The following MALRD1 variants were observed in gnomAD, a reference collection of about 807,000 sequenced individuals.
The protein encoded by MALRD1 is MAM and LDL receptor class A domain containing 1.
In MALRD1, 247 loss-of-function variants were observed where a neutral mutation model predicts 242.1. That is an observed-to-expected ratio of 1.02 (90% CI 0.92 to 1.13). The LOEUF (loss-of-function observed/expected upper bound fraction) is 1.13. MALRD1 is among the 50% of genes most tolerant of loss of function. The probability of loss-of-function intolerance (pLI) is 0.00; values close to 1 mark genes in which losing one functional copy is unlikely to be tolerated. For missense variants in MALRD1, 2,989 were observed against 2,533.1 expected, an observed-to-expected ratio of 1.18 and a Z score of -3.86; for synonymous variants, 995 against 866.6, an observed-to-expected ratio of 1.15 and a Z score of -2.60.
In MALRD1 at chr10:19,144,390, C is replaced by T. The variant is rs73591929; in HGVS notation, c.1412-1808C>T. On this transcript the variant is annotated intron_variant, in intron 10 of 39. Coordinates refer to ENST00000454679, the MANE Select transcript of MALRD1 (RefSeq NM_001142308.3). The stretch of plus-strand genomic sequence containing the variant: ...CTATTCTATGACTGTCTAACAAGCA[C>T]GGCTTTCAGATCTAAAGGTTCAGTT... Among the ~76,000 whole-genome samples, 926 of 152,276 alleles carry T rather than the reference C, an allele frequency of 6.1e-3. 11 individuals carry two copies. The highest frequency in any genetic ancestry group is 0.021 in the African/African-American group (889 of 41,558).
chr10:19,336,098 C>T (rs561658813), intron 24 of MALRD1, among the ~76,000 whole-genome samples: 1 of 152,238 alleles, frequency 6.6e-6, no homozygotes, highest in African/African-American at 2.4e-5. Context: ...ATCTGTATAT[C>T]AGTGTAGACT....
chr10:19,461,950 C>T (rs768950000), intron 29 of MALRD1, among the ~76,000 whole-genome samples: 1 of 152,118 alleles, frequency 6.6e-6, no homozygotes, highest in Non-Finnish European at 1.5e-5. Context: ...TTGTTGCAGG[C>T]ATCCTTTAGT....
At position 19,287,666 on chromosome 10, in the gene MALRD1, G is replaced by T. The variant is rs997475417; in HGVS notation, c.3419+4485G>T. Among the ~76,000 whole-genome samples, 3 of 152,126 alleles carry T rather than the reference G, an allele frequency of 2.0e-5. No homozygotes were observed. In the East Asian group the frequency reaches 5.8e-4, roughly 29 times the overall value. ...GATTGATATTTGGTAATGGTGCTGG[G>T]ATATTTGATTTTTCATATAAAATTG... On this transcript the variant is annotated intron_variant, in intron 21 of 39. Coordinates refer to ENST00000454679, the MANE Select transcript of MALRD1 (RefSeq NM_001142308.3).
intron 36 of MALRD1, among the ~76,000 whole-genome samples, chr10:19,627,920 A>T (rs1489724185): frequency 6.6e-6 from 1 of 152,154 alleles, no homozygotes; most frequent in African/African-American, 2.4e-5. Flanking sequence ...TATTTACAGA[A>T]AAAGGAAAAT....
intron 31 of MALRD1, 27 bp from the exon 32 acceptor site, chr10:19,531,167 A>G: frequency 1.3e-6 from 2 of 1,529,782 alleles, no homozygotes; most frequent in Non-Finnish European, 1.8e-6. Context: ...CATTACACTG[A>G]AAAAAATTTT....
intron 12 of MALRD1, among the ~76,000 whole-genome samples, chr10:19,159,345 A>T (rs1834298040): frequency 6.6e-6 from 1 of 151,578 alleles, no homozygotes; most frequent in Non-Finnish European, 1.5e-5. Flanking sequence ...CTTTTCTCCC[A>T]TTTATTTATT....
intron 31 of MALRD1, among the ~76,000 whole-genome samples, chr10:19,515,178 C>A (rs1833571685): frequency 6.6e-6 from 1 of 151,868 alleles, no homozygotes; most frequent in Non-Finnish European, 1.5e-5. Context: ...TCTTTATATA[C>A]TTGGATTTAG....
chr10:19,607,649 A>G (rs1206142803), intron 34 of MALRD1, 128 bp from the exon 35 acceptor site: 4 of 1,254,822 alleles, frequency 3.2e-6, no homozygotes, highest in Non-Finnish European at 4.2e-6. Flanking sequence ...ACTGTGTTCT[A>G]AAATATCAGA....
intron 13 of MALRD1, among the ~76,000 whole-genome samples, chr10:19,172,436 A>G (rs1305862990): frequency 1.3e-5 from 2 of 151,796 alleles, no homozygotes; most frequent in Admixed American, 6.6e-5. Context: ...CAAGCAAAAT[A>G]TAGATGACCT....
At chr10:19,170,347 C>G (rs1322117111) in intron 13 of MALRD1, among the ~76,000 whole-genome samples, 1 of 152,100 alleles carries the variant, frequency 6.6e-6, no homozygotes, top group African/African-American at 2.4e-5. Context: ...GGCACTTTTT[C>G]TGAGTAGTCC....
chr10:19,323,974 T>C lies in MALRD1; in HGVS notation c.3445T>C (p.Tyr1149His). 6.4e-7 allele frequency: 1 copy of C among 1,550,846 alleles called. No individual in the cohort carries two copies. Among genetic ancestry groups the C allele is most frequent in the Non-Finnish European group, 8.7e-7 (1 of 1,146,932 alleles). Reference protein sequence around the residue: ...TQNTTDGWYLYADSSNGKFGD... With the variant: ...TQNTTDGWYLHADSSNGKFGD... ...AAATACCACTGATGGCTGGTACCTGTATGCTGACAGTTCTAATGGGAAATT... is the reference window on the plus strand; with the variant it reads ...AAATACCACTGATGGCTGGTACCTGCATGCTGACAGTTCTAATGGGAAATT... Residue 1149 changes from tyrosine to histidine, a missense_variant, in exon 22 of 40, where the codon TAT (tyrosine) becomes CAT (histidine). Tyr to His is a moderately conservative substitution (Grantham distance 83). Transcript: ENST00000454679.
intron 14 of MALRD1, among the ~76,000 whole-genome samples, chr10:19,200,992 C>T (rs1836514190): frequency 1.3e-5 from 2 of 151,992 alleles, no homozygotes; most frequent in South Asian, 4.2e-4. Flanking sequence ...ATACACTAAA[C>T]CCAGAGTAAA....
At chr10:19,066,248 AT>A (rs1303707840) in intron 1 of MALRD1, among the ~76,000 whole-genome samples, 2 of 152,116 alleles carry the variant, frequency 1.3e-5, no homozygotes, top group Non-Finnish European at 2.9e-5. Context: ...TTTCTCAAAT[AT>A]TTTTTATCTG....
chr10:19,589,332 C>T (rs1006401040), intron 33 of MALRD1, among the ~76,000 whole-genome samples: 2 of 152,172 alleles, frequency 1.3e-5, no homozygotes, highest in Non-Finnish European at 2.9e-5. Context: ...ACTCCACACC[C>T]TTGTTCCTTA....
chr10:19,523,980 T>C (rs1429448976), intron 31 of MALRD1, among the ~76,000 whole-genome samples: 4 of 152,214 alleles, frequency 2.6e-5, no homozygotes, highest in African/African-American at 9.6e-5. Context: ...GAACAAAATA[T>C]AATTTATGAC....
rs1227869937 is a variant in MALRD1 at position 19,531,284 on chromosome 10, G to A, written c.5411G>A (p.Ser1804Asn). The A allele has an allele frequency of 6.4e-7, 1 of 1,550,414 alleles. No homozygotes were observed. Among genetic ancestry groups the A allele is most frequent in the South Asian group, 1.2e-5 (1 of 84,056 alleles). ...RITTSKSFPASLGMCTVRFWF... is the reference protein window; with the variant it reads ...RITTSKSFPANLGMCTVRFWF... ...ACTACTTCCAAATCCTTCCCAGCAAGCCTTGGAATGTGTACTGTTCGGTTC... is the reference window on the plus strand; with the variant it reads ...ACTACTTCCAAATCCTTCCCAGCAAACCTTGGAATGTGTACTGTTCGGTTC... The change falls in exon 32 of 40, where the codon AGC (serine) becomes AAC (asparagine). Residue 1804 changes from serine to asparagine, a missense_variant. Ser to Asn is a conservative substitution (Grantham distance 46, BLOSUM62 1). Transcript: ENST00000454679.
chr10:19,109,326 GT>G (rs1836591189), intron 5 of MALRD1, among the ~76,000 whole-genome samples: 1 of 152,110 alleles, frequency 6.6e-6, no homozygotes, highest in African/African-American at 2.4e-5. Context: ...TTGAGGGTTT[GT>G]CAGGGCTGCT....
chr10:19,686,545 G>A (rs931301053), intron 36 of MALRD1, among the ~76,000 whole-genome samples: 1 of 152,142 alleles, frequency 6.6e-6, no homozygotes, highest in African/African-American at 2.4e-5. Flanking sequence ...CTGATCTCCA[G>A]TTTCAGGTGT....
chr10:19,681,406 A>G (rs1030708195), intron 36 of MALRD1, among the ~76,000 whole-genome samples: 2 of 151,976 alleles, frequency 1.3e-5, no homozygotes, highest in Non-Finnish European at 2.9e-5. Flanking sequence ...TCAGCAAGAT[A>G]GTCTTTACGC....
Sources: gnomAD v4.1 joint callset for allele counts (sites outside exome capture counted in the v4.1 genomes callset) on GRCh38, gnomAD v4.1.1 for gene constraint, MANE v1.5 for transcripts, NCBI Gene and HGNC (gene_info 2026-07-23, HGNC 2026-07-21) for gene names.